CAMTA1: variants seen among roughly 807,000 people sequenced by gnomAD.
CAMTA1 encodes calmodulin-binding transcription activator 1.
Under a neutral mutation model 170.9 loss-of-function variants are expected in CAMTA1, and 27 were observed. That is an observed-to-expected ratio of 0.16 (90% confidence interval 0.12 to 0.22). The LOEUF (loss-of-function observed/expected upper bound fraction) is 0.22. Ranked by LOEUF, CAMTA1 falls within the 10% of genes least tolerant of loss-of-function variation. The pLI is 1.00. For missense variants in CAMTA1, 1,619 were observed against 2,217.2 expected, an observed-to-expected ratio of 0.73 and a Z score of 5.42; for synonymous variants, 833 against 891.5, an observed-to-expected ratio of 0.93 and a Z score of 1.17.
At chr1:7,020,015 G>A (rs1313021811) in intron 3 of CAMTA1, among the ~76,000 whole-genome samples, 1 of 152,240 alleles carries the variant, frequency 6.6e-6, no homozygotes, top group East Asian at 1.9e-4. Flanking sequence ...GGGCTCACTG[G>A]GGATTGCCTG....
At chr1:6,785,877 C>T (rs1425407571) in intron 1 of CAMTA1, among the ~76,000 whole-genome samples, 2 of 146,828 alleles carry the variant, frequency 1.4e-5, no homozygotes, top group African/African-American at 2.5e-5. Flanking sequence ...GAGGAGGAGC[C>T]GGCGGAGGGC....
At chr1:7,272,442 A>G (rs974713722) in intron 5 of CAMTA1, among the ~76,000 whole-genome samples, 34 of 152,064 alleles carry the variant, frequency 2.2e-4, no homozygotes, top group Non-Finnish European at 1.3e-4. Context: ...AATAGTTAAA[A>G]TCTTTAACAG....
At chr1:7,602,780 C>T (rs1234762423) in intron 6 of CAMTA1, among the ~76,000 whole-genome samples, 1 of 152,196 alleles carries the variant, frequency 6.6e-6, no homozygotes. Context: ...CCTGCTTTCT[C>T]TTGTGGGCAT....
intron 1 of CAMTA1, among the ~76,000 whole-genome samples, chr1:6,816,683 G>C (rs1178981473): frequency 6.6e-6 from 1 of 152,190 alleles, no homozygotes; most frequent in Non-Finnish European, 1.5e-5. Context: ...GTGGCTCACT[G>C]ATTTGCCCGG....
chr1:6,996,948 T>C (rs1482543860), intron 3 of CAMTA1, among the ~76,000 whole-genome samples: 1 of 152,236 alleles, frequency 6.6e-6, no homozygotes, highest in Non-Finnish European at 1.5e-5. Flanking sequence ...GTTCTAAGTG[T>C]TCAAAAATTT....
chr1:7,114,047 C>G (rs766509393), intron 4 of CAMTA1, among the ~76,000 whole-genome samples: 21 of 152,206 alleles, frequency 1.4e-4, no homozygotes, highest in Non-Finnish European at 2.6e-4. Context: ...GGGCCCACCC[C>G]CCATCCTCTC....
At chr1:7,380,681 G>A (rs1315942685) in intron 5 of CAMTA1, among the ~76,000 whole-genome samples, 1 of 152,224 alleles carries the variant, frequency 6.6e-6, no homozygotes, top group Non-Finnish European at 1.5e-5. Flanking sequence ...TAAGAATGTG[G>A]CATAAATACA....
intron 5 of CAMTA1, among the ~76,000 whole-genome samples, chr1:7,310,323 T>C (rs904465857): frequency 6.6e-6 from 1 of 152,236 alleles, no homozygotes; most frequent in Non-Finnish European, 1.5e-5. Context: ...ATGGGGTCAA[T>C]AACTTTTTTC....
At chr1:7,669,688 A>T (rs4908674) in intron 9 of CAMTA1, among the ~76,000 whole-genome samples, 5 of 152,224 alleles carry the variant, frequency 3.3e-5, no homozygotes, top group Non-Finnish European at 5.9e-5. Context: ...TCTCCGCCCC[A>T]CTGCAGGGAA....
rs1203528377 is a variant in CAMTA1, at chr1:7,067,159, G to A, written c.235-24145G>A. ...CATCAGAAGTTGGCTGGAGTGTTGG[G>A]AATTGGAAGGGCAGGGAGGTTGTTG... On this transcript the variant is annotated intron_variant, in intron 3 of 22. Transcript: ENST00000303635. This position sits in a 1 kb window ranked among gnomAD's most constrained non-coding sequence, Gnocchi z 4.3. 6.6e-6 allele frequency among the ~76,000 whole-genome samples: 1 copy of A among 152,208 alleles called. No homozygotes were observed. Among genetic ancestry groups the A allele is most frequent in the Non-Finnish European group, 1.5e-5 (1 of 68,032 alleles).
intron 4 of CAMTA1, among the ~76,000 whole-genome samples, chr1:7,096,247 T>C (rs1370464695): frequency 6.6e-6 from 1 of 152,114 alleles, no homozygotes; most frequent in African/African-American, 2.4e-5. Context: ...GCTTCCACTC[T>C]CCTCCTCCTG....
At chr1:7,048,198 G>A (rs1705720615) in intron 3 of CAMTA1, among the ~76,000 whole-genome samples, 1 of 152,074 alleles carries the variant, frequency 6.6e-6, no homozygotes, top group Non-Finnish European at 1.5e-5. Flanking sequence ...CCCTAGAGCT[G>A]TGCTTTATTA....
At chr1:6,803,543 A>G (rs909109751) in intron 1 of CAMTA1, among the ~76,000 whole-genome samples, 9 of 152,210 alleles carry the variant, frequency 5.9e-5, no homozygotes, top group African/African-American at 1.9e-4. Flanking sequence ...GCACCGTTGA[A>G]TTCTCTGAAT....
chr1:6,788,431 A>C (rs562101840), intron 1 of CAMTA1, among the ~76,000 whole-genome samples: 4 of 152,272 alleles, frequency 2.6e-5, no homozygotes, highest in African/African-American at 7.2e-5. Context: ...TTTGCCTTTC[A>C]GTTAGCATTG....
intron 6 of CAMTA1, among the ~76,000 whole-genome samples, chr1:7,626,966 C>T (rs2095637931): frequency 6.6e-6 from 1 of 152,168 alleles, no homozygotes; most frequent in Non-Finnish European, 1.5e-5. Flanking sequence ...GGGCTGGAGG[C>T]ACTGGAGCTC....
chr1:7,437,332 A>G (rs1198080301), intron 5 of CAMTA1, among the ~76,000 whole-genome samples: 1 of 152,168 alleles, frequency 6.6e-6, no homozygotes, highest in Non-Finnish European at 1.5e-5. Context: ...CTGCACGTCC[A>G]TTCCTCCTGA....
chr1:7,423,291 C>T (rs845250), intron 5 of CAMTA1, among the ~76,000 whole-genome samples: 91,005 of 151,938 alleles, frequency 0.6, 27,895 homozygotes, highest in East Asian at 0.78. Context: ...GCCAACATAG[C>T]GAAACCGCGT....
chr1:7,134,598 A>G (rs1377698240), intron 4 of CAMTA1, among the ~76,000 whole-genome samples: 3 of 152,160 alleles, frequency 2.0e-5, no homozygotes, highest in African/African-American at 7.2e-5. Flanking sequence ...CTGAGCCACC[A>G]TGCCTGGCCC....
chr1:6,902,514 A>G (rs1677343462), intron 3 of CAMTA1, among the ~76,000 whole-genome samples: 1 of 152,202 alleles, frequency 6.6e-6, no homozygotes, highest in Admixed American at 6.5e-5. Context: ...GGAAGAAAAC[A>G]TCAGTGGTTG....
Sources: allele counts gnomAD v4.1 joint callset (sites outside exome capture counted in the v4.1 genomes callset), GRCh38; gene constraint gnomAD v4.1.1; non-coding constraint Gnocchi (gnomAD v3.1); transcripts MANE v1.5; gene names NCBI Gene and HGNC (gene_info 2026-07-23, HGNC 2026-07-21).